The following DPYD variants were observed in gnomAD, a reference collection of about 807,000 sequenced individuals.
DPYD encodes dihydropyrimidine dehydrogenase [NADP(+)].
Under a neutral mutation model 116.2 loss-of-function variants are expected in DPYD, and 109 were observed. The observed-to-expected ratio is 0.94, with a 90% CI of 0.80 to 1.10. DPYD has a LOEUF of 1.10. Ranked by LOEUF, DPYD falls within the 50% of genes least tolerant of loss-of-function variation. DPYD has a pLI of 0.00. For synonymous variants in DPYD, 440 were observed against 432.0 expected (o/e 1.02, Z -0.23); for missense variants, 1,302 against 1,254.5 (o/e 1.04, Z -0.57).
At chr1:97,612,127 A>C (rs1191124510) in intron 8 of DPYD, among the ~76,000 whole-genome samples, 2 of 152,014 alleles carry the variant, frequency 1.3e-5, no homozygotes, top group African/African-American at 4.8e-5. Context: ...GTGGTATTAA[A>C]AGTAGAGAGG....
intron 6 of DPYD, among the ~76,000 whole-genome samples, chr1:97,694,181 C>A (rs549385391): frequency 6.6e-6 from 1 of 152,266 alleles, no homozygotes; most frequent in East Asian, 1.9e-4. Flanking sequence ...GTGAGAGAAT[C>A]CATTTCCCAG....
chr1:97,173,351 T>C (rs1487582335), intron 20 of DPYD, among the ~76,000 whole-genome samples: 4 of 149,598 alleles, frequency 2.7e-5, no homozygotes, highest in South Asian at 2.1e-4. Flanking sequence ...TATGCACACA[T>C]ATATGTACAT....
At chr1:97,155,340 T>C (rs1159957753) in intron 20 of DPYD, among the ~76,000 whole-genome samples, 1 of 152,212 alleles carries the variant, frequency 6.6e-6, no homozygotes, top group African/African-American at 2.4e-5. Flanking sequence ...GTTCTTTTCA[T>C]CTATCAAATG....
rs1404984053 is a variant in DPYD, at chr1:97,288,418, C to T, written c.2299+16841G>A. Among the ~76,000 whole-genome samples, 9 of 151,874 alleles carry T rather than the reference C, an allele frequency of 5.9e-5. No homozygotes were observed. In the South Asian group the frequency reaches 8.4e-4, roughly 14 times the overall value. Reference sequence around the variant, plus strand: ...GCACCACACCACACCTATTCCAAAACTGACCACATAGTTGGAAGTAAAGCT... The same window carrying T: ...GCACCACACCACACCTATTCCAAAATTGACCACATAGTTGGAAGTAAAGCT... On this transcript the variant is annotated intron_variant, in intron 18 of 22. Transcript: ENST00000370192.
At chr1:97,523,725 T>C (rs763057812) in intron 12 of DPYD, among the ~76,000 whole-genome samples, 8 of 152,170 alleles carry the variant, frequency 5.3e-5, no homozygotes, top group Non-Finnish European at 1.2e-4. Flanking sequence ...GCTTAGAATG[T>C]TCTTTCCTGC....
At chr1:97,852,951 T>C (rs1490376840) in intron 2 of DPYD, among the ~76,000 whole-genome samples, 3 of 152,198 alleles carry the variant, frequency 2.0e-5, no homozygotes, top group Admixed American at 1.3e-4. Flanking sequence ...TGAAAATCAA[T>C]TGGCTGTCAA....
intron 8 of DPYD, among the ~76,000 whole-genome samples, chr1:97,662,111 CT>C (rs2100870298): frequency 6.6e-6 from 1 of 150,952 alleles, no homozygotes; most frequent in Non-Finnish European, 1.5e-5. Flanking sequence ...CGCCATTCTC[CT>C]GTCTCAATCT....
intron 13 of DPYD, among the ~76,000 whole-genome samples, chr1:97,515,231 C>T (rs1043462936): frequency 6.6e-6 from 1 of 151,814 alleles, no homozygotes; most frequent in Non-Finnish European, 1.5e-5. Flanking sequence ...TGGTTAAGTA[C>T]AAAGTCATAA....
At chr1:97,321,853 G>T in intron 16 of DPYD, among the ~76,000 whole-genome samples, 2 of 45,186 alleles carry the variant, frequency 4.4e-5, no homozygotes, top group African/African-American at 1.3e-4. Flanking sequence ...AACAATGATA[G>T]ACTGGATTAA....
intron 16 of DPYD, among the ~76,000 whole-genome samples, chr1:97,352,199 A>C (rs994119602): frequency 6.6e-6 from 1 of 152,220 alleles, no homozygotes; most frequent in East Asian, 2.0e-4. Context: ...AGGAGGTCAG[A>C]CAACAAGTGC....
chr1:97,314,620 C>G (rs1667708968), intron 16 of DPYD, among the ~76,000 whole-genome samples: 1 of 151,502 alleles, frequency 6.6e-6, no homozygotes, highest in African/African-American at 2.4e-5. Flanking sequence ...CAGATCCTCT[C>G]CACCAGCTCA....
At chr1:97,680,593 T>C (rs1037323896) in intron 7 of DPYD, among the ~76,000 whole-genome samples, 3 of 152,144 alleles carry the variant, frequency 2.0e-5, no homozygotes, top group African/African-American at 4.8e-5. Flanking sequence ...GATAAGAATA[T>C]TCATTTACAG....
At chr1:97,678,798 T>A (rs1033107496) in intron 8 of DPYD, among the ~76,000 whole-genome samples, 1 of 152,150 alleles carries the variant, frequency 6.6e-6, no homozygotes, top group Admixed American at 6.6e-5. Flanking sequence ...AGATTCTGAG[T>A]TTCTGGTGGT....
chr1:97,425,365 T>C (rs1482610981), intron 14 of DPYD, among the ~76,000 whole-genome samples: 1 of 152,068 alleles, frequency 6.6e-6, no homozygotes, highest in Non-Finnish European at 1.5e-5. Context: ...TATTTCAGCA[T>C]AACATTATAA....
At chr1:97,551,819 A>T (rs530374921) in intron 11 of DPYD, among the ~76,000 whole-genome samples, 1 of 152,132 alleles carries the variant, frequency 6.6e-6, no homozygotes, top group Non-Finnish European at 1.5e-5. Context: ...TATTTGGGAA[A>T]AAAATAGAAT....
At chr1:97,084,829 T>C (rs1014431340) in intron 21 of DPYD, among the ~76,000 whole-genome samples, 1 of 152,230 alleles carries the variant, frequency 6.6e-6, no homozygotes, top group Non-Finnish European at 1.5e-5. Flanking sequence ...TTGTGGTCTC[T>C]TAGTAAGCTT....
chr1:97,725,097 C>A (rs76413586), intron 4 of DPYD, among the ~76,000 whole-genome samples: 1 of 151,442 alleles, frequency 6.6e-6, no homozygotes, highest in Non-Finnish European at 1.5e-5. Flanking sequence ...AATAAAAGTA[C>A]AGCAAACTTA....
chr1:97,518,774 G>C (rs891068022), intron 12 of DPYD, among the ~76,000 whole-genome samples: 2 of 151,990 alleles, frequency 1.3e-5, no homozygotes, highest in African/African-American at 4.8e-5. Flanking sequence ...TTCCATAATG[G>C]CTATATTGTA....
At chr1:97,455,830 T>C (rs1676652027) in intron 13 of DPYD, among the ~76,000 whole-genome samples, 1 of 151,952 alleles carries the variant, frequency 6.6e-6, no homozygotes, top group African/African-American at 2.4e-5. Context: ...GCAAGATAAG[T>C]ATTTGTTCCC....
Sources: gnomAD v4.1 joint callset for allele counts (sites outside exome capture counted in the v4.1 genomes callset) on GRCh38, gnomAD v4.1.1 for gene constraint, MANE v1.5 for transcripts, NCBI Gene and HGNC (gene_info 2026-07-23, HGNC 2026-07-21) for gene names.